Variants in PREX2 observed in about 807,000 individuals in gnomAD.
The protein encoded by PREX2 is phosphatidylinositol-3,4,5-trisphosphate dependent Rac exchange factor 2, also known as phosphatidylinositol 3,4,5-trisphosphate-dependent Rac exchanger 2 protein.
PREX2 carries 107 observed loss-of-function variants against 203.2 expected under a neutral mutation model. The ratio of observed to expected loss-of-function variants is 0.53; its 90% CI spans 0.45 to 0.62. The LOEUF (loss-of-function observed/expected upper bound fraction) is 0.62, where lower values mean the gene tolerates loss of function less well. Among genes scored for constraint, PREX2 ranks in the 20% least tolerant of loss-of-function variants. PREX2 has a pLI of 0.00. For synonymous variants in PREX2, 672 were observed against 663.6 expected, an observed-to-expected ratio of 1.01 and a Z score of -0.19; for missense variants, 1,777 against 1,955.9, an observed-to-expected ratio of 0.91 and a Z score of 1.72.
At chr8:68,203,842 G>T (rs16934293) in intron 37 of PREX2, among the ~76,000 whole-genome samples, 10,008 of 152,156 alleles carry the variant, frequency 0.066, 530 homozygotes, top group East Asian at 0.28. Context: ...AGAAAACAAT[G>T]ATGGTCCAGT....
At chr8:68,090,767 C>T in intron 20 of PREX2, 52 bp downstream of exon 20, 2 of 1,514,066 alleles carry the variant, frequency 1.3e-6, no homozygotes, top group Non-Finnish European at 1.8e-6. Flanking sequence ...GCATAAAGAC[C>T]TAAGGGGTTG....
Position 68,027,292 on chromosome 8 carries a change from A to G in PREX2, c.512A>G (p.Gln171Arg), listed in dbSNP as rs1176181832. The G allele has an allele frequency of 1.9e-6, 3 of 1,610,044 alleles. No individual in the cohort carries two copies. Among genetic ancestry groups the G allele is most frequent in the Non-Finnish European group, 2.5e-6 (3 of 1,176,574 alleles). ...PLEGYLVTPIQRICKYPLILK... is the reference protein window; with the variant it reads ...PLEGYLVTPIRRICKYPLILK... ...GAAGGATATTTAGTAACACCAATAC[A>G]AAGAATATGCAAGTACCCTCTTATT... is the stretch of plus-strand genomic sequence containing the variant. Residue 171 changes from glutamine to arginine, a missense_variant, in exon 5 of 40, where the codon CAA becomes CGA. Gln to Arg is a conservative substitution (Grantham distance 43). Coordinates refer to ENST00000288368, the MANE Select transcript of PREX2 (RefSeq NM_024870.4).
rs1813200534 is a variant in PREX2 at position 68,233,188 on chromosome 8, T to C, written c.*1810T>C. The C allele has an allele frequency of 1.3e-5, 2 of 152,188 alleles. No homozygotes were observed. The highest frequency in any genetic ancestry group is 1.3e-4 in the Admixed American group (2 of 15,270). The allele number at this position is 152,188 out of a possible 1,614,324, so 9.4% of individuals were successfully genotyped here. On this transcript the variant is annotated 3_prime_UTR_variant, in exon 40 of 40. Transcript: ENST00000288368. ...ACATTTTGAATTTAATAAAGATATC[T>C]TTACAAAAATAACCTTCAAGGATTT...
intron 35 of PREX2, among the ~76,000 whole-genome samples, chr8:68,167,264 C>T (rs1443185554): frequency 6.6e-6 from 1 of 152,030 alleles, no homozygotes; most frequent in East Asian, 1.9e-4. Flanking sequence ...TGGGATCTTT[C>T]ATGACTTGGC....
At chr8:68,037,438 C>T (rs556109247) in intron 6 of PREX2, among the ~76,000 whole-genome samples, 13 of 152,166 alleles carry the variant, frequency 8.5e-5, no homozygotes, top group African/African-American at 1.4e-4. Context: ...GTCCGATACT[C>T]GTGTCCAACT....
intron 5 of PREX2, among the ~76,000 whole-genome samples, chr8:68,030,254 C>T (rs776443077): frequency 6.6e-6 from 1 of 152,052 alleles, no homozygotes; most frequent in African/African-American, 2.4e-5. Context: ...AAAGGAGGAA[C>T]CTAACTTAAT....
At chr8:68,030,426 T>G (rs1807847824) in intron 5 of PREX2, 71 bp from the exon 6 acceptor site, 1 of 1,436,126 alleles carries the variant, frequency 7.0e-7, no homozygotes, top group African/African-American at 1.4e-5. Context: ...TTTCATTTCC[T>G]GGTCAGTCTG....
At chr8:68,038,123 A>C in intron 6 of PREX2, 36 bp from the exon 7 acceptor site, 1 of 1,597,050 alleles carries the variant, frequency 6.3e-7, no homozygotes, top group Non-Finnish European at 8.5e-7. Flanking sequence ...GTGTCAACCA[A>C]GTAAGCAGAC....
At chr8:68,093,957 A>T (rs1809975568) in intron 21 of PREX2, among the ~76,000 whole-genome samples, 1 of 152,246 alleles carries the variant, frequency 6.6e-6, no homozygotes, top group Non-Finnish European at 1.5e-5. Flanking sequence ...TCAAAAAAGA[A>T]AATCTCCTAA....
At chr8:67,996,034 A>G (rs569610705) in intron 1 of PREX2, among the ~76,000 whole-genome samples, 1 of 152,234 alleles carries the variant, frequency 6.6e-6, no homozygotes, top group Non-Finnish European at 1.5e-5. Flanking sequence ...AGTTCATGAT[A>G]TTTAGTTAAT....
intron 1 of PREX2, among the ~76,000 whole-genome samples, chr8:67,999,616 A>T (rs1014761881): frequency 2.0e-5 from 3 of 152,144 alleles, no homozygotes; most frequent in African/African-American, 7.2e-5. Flanking sequence ...AACTCATTCT[A>T]TGAGGCCAGC....
chr8:68,002,126 T>A (rs1237161193), intron 1 of PREX2, among the ~76,000 whole-genome samples: 1 of 78,062 alleles, frequency 1.3e-5, no homozygotes, highest in Non-Finnish European at 3.0e-5. Context: ...ATATTAATTT[T>A]GCCTTTTTTT....
rs181948828 is a variant in PREX2 at position 68,069,932 on chromosome 8, A to G, written c.1493+48A>G. On this transcript the variant is annotated intron_variant, in intron 13 of 39. Coordinates refer to ENST00000288368, the MANE Select transcript of PREX2 (RefSeq NM_024870.4). ...GGGAAACTTAAATGGAAATATTTGT[A>G]CTATGTTTTAGGTAAATATTATTCA... The G allele has an allele frequency of 2.7e-3, 2,965 of 1,085,860 alleles. 64 individuals carry two copies. The Admixed American group carries it at 0.044, about 16-fold the overall frequency. 67.3% of individuals were successfully genotyped at this position (1,085,860 alleles called of 1,614,324 possible).
intron 35 of PREX2, among the ~76,000 whole-genome samples, chr8:68,183,460 G>T (rs1812124763): frequency 6.6e-6 from 1 of 152,092 alleles, no homozygotes; most frequent in Admixed American, 6.6e-5. Context: ...TGTTTTGAAA[G>T]GATTTGCTTC....
chr8:68,046,838 C>T (rs1401252631), intron 8 of PREX2, among the ~76,000 whole-genome samples: 1 of 151,952 alleles, frequency 6.6e-6, no homozygotes, highest in African/African-American at 2.4e-5. Context: ...GATACCATAC[C>T]CTAGTTTCCT....
chr8:68,173,410 C>T (rs534236459), intron 35 of PREX2, among the ~76,000 whole-genome samples: 7 of 152,198 alleles, frequency 4.6e-5, no homozygotes, highest in East Asian at 1.9e-4. Flanking sequence ...CAATATATAT[C>T]GTCTTAATTT....
chr8:68,126,277 C>T (rs1810884230), intron 30 of PREX2, among the ~76,000 whole-genome samples: 1 of 152,072 alleles, frequency 6.6e-6, no homozygotes, highest in Non-Finnish European at 1.5e-5. Flanking sequence ...ATTCAGATTA[C>T]AATAATAACA....
intron 1 of PREX2, among the ~76,000 whole-genome samples, chr8:68,013,959 G>A (rs1307994288): frequency 6.6e-6 from 1 of 152,156 alleles, no homozygotes; most frequent in East Asian, 1.9e-4. Context: ...AAATCTGCCG[G>A]ACTTTTGAGA....
Position 68,169,190 on chromosome 8 carries a change from CAGA to C in PREX2, c.4346+11764_4346+11766del, listed in dbSNP as rs1347769403. Among the ~76,000 whole-genome samples the C allele has an allele frequency of 2.6e-5, 4 of 152,122 alleles. No homozygotes were observed. The East Asian group carries it at 7.8e-4, about 30-fold the overall frequency. ...TTCCTACAAACGAGTGTTCTATTCT[CAGA>C]AGAAGAAGAGAAGGTGAAACCACCA... On this transcript the variant is annotated intron_variant, in intron 35 of 39. Transcript: ENST00000288368.
Sources: allele counts gnomAD v4.1 joint callset (sites outside exome capture counted in the v4.1 genomes callset), GRCh38; gene constraint gnomAD v4.1.1; transcripts MANE v1.5; gene names NCBI Gene and HGNC (gene_info 2026-07-23, HGNC 2026-07-21).